ITPR2: variants seen among roughly 807,000 people sequenced by gnomAD.
ITPR2 encodes the protein inositol 1,4,5-trisphosphate receptor type 2, also known as inositol 1,4,5-trisphosphate-gated calcium channel ITPR2.
A neutral mutation model predicts 317.1 loss-of-function variants in ITPR2; 207 were observed. The observed-to-expected ratio is 0.65, with a 90% CI of 0.58 to 0.73. ITPR2 has a LOEUF of 0.73. Among genes scored for constraint, ITPR2 ranks in the 30% least tolerant of loss-of-function variants. The probability of loss-of-function intolerance (pLI) is 0.00; values close to 1 mark genes in which losing one functional copy is unlikely to be tolerated. For synonymous variants in ITPR2, 1,156 were observed against 1,149.1 expected (o/e 1.01, Z -0.12); for missense variants, 2,613 against 3,284.0 (o/e 0.80, Z 4.99).
chr12:26,606,741 A>G (rs6487566), intron 26 of ITPR2, among the ~76,000 whole-genome samples: 107,294 of 151,810 alleles, frequency 0.71, 38,250 homozygotes, highest in East Asian at 0.95. Context: ...AGGTTAGCGT[A>G]GGCCACATAG....
At chr12:26,646,276 A>AT (rs758942001) in intron 21 of ITPR2, among the ~76,000 whole-genome samples, 428 of 148,544 alleles carry the variant, frequency 2.9e-3, no homozygotes, top group African/African-American at 7.6e-3. Context: ...TTCCTGGCAG[A>AT]TTTTTTTTTT....
chr12:26,829,779 T>A (rs991672763), intron 1 of ITPR2, among the ~76,000 whole-genome samples: 1 of 152,220 alleles, frequency 6.6e-6, no homozygotes, highest in South Asian at 2.1e-4. Context: ...GGAGGCATGG[T>A]CATATCCAAC....
At chr12:26,743,552 A>G (rs1352232285) in intron 2 of ITPR2, among the ~76,000 whole-genome samples, 3 of 152,168 alleles carry the variant, frequency 2.0e-5, no homozygotes, top group Admixed American at 2.0e-4. Context: ...AGAACATATA[A>G]TATGTTCAGT....
chr12:26,593,860 T>C (rs1033397319), intron 32 of ITPR2, among the ~76,000 whole-genome samples: 1 of 152,232 alleles, frequency 6.6e-6, no homozygotes, highest in African/African-American at 2.4e-5. Flanking sequence ...TGGCTTTCTT[T>C]GGTTTAAAAA....
chr12:26,479,798 G>A (rs1942505037), intron 43 of ITPR2, among the ~76,000 whole-genome samples: 2 of 152,162 alleles, frequency 1.3e-5, no homozygotes, highest in South Asian at 2.1e-4. Context: ...TTTAAGCTGG[G>A]TGTGGTGGCA....
chr12:26,648,510 C>CTTT (rs34607660), intron 21 of ITPR2, among the ~76,000 whole-genome samples: 71 of 131,322 alleles, frequency 5.4e-4, no homozygotes, highest in African/African-American at 1.9e-3. Context: ...AAACCACTTT[C>CTTT]TTTTTTTTTT....
At chr12:26,414,050 T>TCACACACAC (rs1555121666) in intron 51 of ITPR2, among the ~76,000 whole-genome samples, 8,485 of 138,150 alleles carry the variant, frequency 0.061, 357 homozygotes, top group Non-Finnish European at 0.092. Flanking sequence ...TGTATATATG[T>TCACACACAC]ACACACACAC....
intron 13 of ITPR2, among the ~76,000 whole-genome samples, chr12:26,667,481 A>G (rs11048636): frequency 0.096 from 14,641 of 152,256 alleles, 792 homozygotes; most frequent in Middle Eastern, 0.17. Flanking sequence ...GACAGGATTC[A>G]CTGACATAGT....
intron 54 of ITPR2, among the ~76,000 whole-genome samples, chr12:26,388,110 G>A (rs1939717465): frequency 6.6e-6 from 1 of 152,208 alleles, no homozygotes; most frequent in Non-Finnish European, 1.5e-5. Context: ...GACAGCAAGT[G>A]CTCAGACTAT....
At chr12:26,668,619 G>A (rs2136930753) in intron 13 of ITPR2, among the ~76,000 whole-genome samples, 1 of 152,322 alleles carries the variant, frequency 6.6e-6, no homozygotes, top group East Asian at 1.9e-4. Context: ...AGCTGACATT[G>A]AGGAAGATAG....
chr12:26,639,645 A>G (rs1316657331), intron 21 of ITPR2, among the ~76,000 whole-genome samples: 1 of 117,328 alleles, frequency 8.5e-6, no homozygotes, highest in East Asian at 2.7e-4. Context: ...GACAGTCCCC[A>G]GAGTGTGATG....
At chr12:26,455,235 T>C (rs1304005220) in intron 45 of ITPR2, among the ~76,000 whole-genome samples, 1 of 151,326 alleles carries the variant, frequency 6.6e-6, no homozygotes, top group Non-Finnish European at 1.5e-5. Context: ...GCTCGATTGC[T>C]TGAAAGCATT....
intron 9 of ITPR2, among the ~76,000 whole-genome samples, chr12:26,699,113 A>G (rs1948400026): frequency 6.6e-6 from 1 of 152,008 alleles, no homozygotes; most frequent in African/African-American, 2.4e-5. Context: ...CACTCAATAC[A>G]CATTAGAATG....
At chr12:26,726,868 G>A (rs1397245844) in intron 2 of ITPR2, among the ~76,000 whole-genome samples, 1 of 151,984 alleles carries the variant, frequency 6.6e-6, no homozygotes, top group East Asian at 1.9e-4. Context: ...AAGGAATGTA[G>A]GAAAAACAAG....
At chr12:26,709,747 T>C (rs1948613658) in intron 9 of ITPR2, among the ~76,000 whole-genome samples, 1 of 152,216 alleles carries the variant, frequency 6.6e-6, no homozygotes. Flanking sequence ...GATATCTAGT[T>C]AGGCTTTTGT....
chr12:26,386,445 T>C (rs116460505), intron 55 of ITPR2, among the ~76,000 whole-genome samples: 3,802 of 152,310 alleles, frequency 0.025, 101 homozygotes, highest in African/African-American at 0.072. Flanking sequence ...ACTATGACTA[T>C]ATGAACTTAT....
At chr12:26,637,560 T>A (rs897437532) in intron 21 of ITPR2, among the ~76,000 whole-genome samples, 2 of 152,098 alleles carry the variant, frequency 1.3e-5, no homozygotes, top group Non-Finnish European at 2.9e-5. Flanking sequence ...TTGGGCCTTC[T>A]TGTAAGAATA....
intron 34 of ITPR2, among the ~76,000 whole-genome samples, chr12:26,574,697 A>G (rs988452696): frequency 6.6e-6 from 1 of 152,162 alleles, no homozygotes; most frequent in Non-Finnish European, 1.5e-5. Context: ...GGGCCATACA[A>G]GCATGGCCTT....
chr12:26,737,538 C>T (rs760391696), intron 2 of ITPR2, among the ~76,000 whole-genome samples: 1 of 152,192 alleles, frequency 6.6e-6, no homozygotes, highest in Non-Finnish European at 1.5e-5. Context: ...CAGGCATAAG[C>T]CACCGCACCT....
Sources: gnomAD v4.1 joint callset for allele counts (sites outside exome capture counted in the v4.1 genomes callset) on GRCh38, gnomAD v4.1.1 for gene constraint, MANE v1.5 for transcripts, NCBI Gene and HGNC (gene_info 2026-07-23, HGNC 2026-07-21) for gene names.